SLC23A2: variants seen among roughly 807,000 people sequenced by gnomAD.
SLC23A2 encodes the protein solute carrier family 23 member 2.
Under a neutral mutation model 73.3 loss-of-function variants are expected in SLC23A2, and 36 were observed. The ratio of observed to expected loss-of-function variants is 0.49; its 90% CI spans 0.38 to 0.65. SLC23A2 has a LOEUF of 0.65. SLC23A2 is among the 30% of genes least tolerant of loss of function. SLC23A2 has a pLI of 0.00. For synonymous variants in SLC23A2, 343 were observed against 327.3 expected (o/e 1.05, Z -0.52); for missense variants, 507 against 841.6 (o/e 0.60, Z 4.92).
chr20:4,934,906 G>A (rs2086937313), intron 2 of SLC23A2, among the ~76,000 whole-genome samples: 1 of 151,350 alleles, frequency 6.6e-6, no homozygotes, highest in Admixed American at 6.6e-5. Flanking sequence ...AAAAAACCAA[G>A]GCTGGGCACA....
At chr20:4,918,897 C>G (rs1045307172) in intron 3 of SLC23A2, among the ~76,000 whole-genome samples, 1 of 152,134 alleles carries the variant, frequency 6.6e-6, no homozygotes, top group African/African-American at 2.4e-5. Flanking sequence ...AGAAAGGTAA[C>G]ACACAGTTAT....
At chr20:4,992,097 G>A (rs560941488) in intron 1 of SLC23A2, among the ~76,000 whole-genome samples, 1 of 152,222 alleles carries the variant, frequency 6.6e-6, no homozygotes, top group East Asian at 1.9e-4. Context: ...GGGACAGAGT[G>A]AGACTCCATC....
intron 3 of SLC23A2, among the ~76,000 whole-genome samples, chr20:4,924,999 T>C (rs917752547): frequency 6.6e-6 from 1 of 152,016 alleles, no homozygotes; most frequent in Non-Finnish European, 1.5e-5. Context: ...AGTGACATAG[T>C]TAAGACCTTG....
intron 1 of SLC23A2, among the ~76,000 whole-genome samples, chr20:4,986,817 CA>C (rs375477474): frequency 5.3e-4 from 74 of 138,466 alleles, no homozygotes; most frequent in East Asian, 6.2e-4. Context: ...AAAGAGAAAT[CA>C]AAAAAAAAAA....
chr20:4,919,423 C>T (rs963077188), intron 3 of SLC23A2, among the ~76,000 whole-genome samples: 4 of 152,200 alleles, frequency 2.6e-5, no homozygotes, highest in African/African-American at 9.7e-5. Context: ...CCGGGGATTC[C>T]AGCTGCATCT....
intron 1 of SLC23A2, among the ~76,000 whole-genome samples, chr20:4,984,501 C>T (rs998207516): frequency 8.1e-5 from 12 of 148,520 alleles, no homozygotes; most frequent in Non-Finnish European, 1.3e-4. Context: ...TGCAGTGAGC[C>T]GAGATTGCAC....
intron 6 of SLC23A2, among the ~76,000 whole-genome samples, chr20:4,893,602 G>A (rs1365749033): frequency 2.0e-5 from 3 of 152,018 alleles, no homozygotes; most frequent in East Asian, 1.9e-4. Context: ...GTTCCATTAC[G>A]GGCCCCAGGA....
chr20:4,929,131 T>C (rs1882682921), intron 3 of SLC23A2, among the ~76,000 whole-genome samples: 1 of 151,926 alleles, frequency 6.6e-6, no homozygotes, highest in African/African-American at 2.4e-5. Flanking sequence ...CCAGGCCCAG[T>C]AGCACGTACC....
At chr20:4,900,317 T>C (rs1220136006) in intron 5 of SLC23A2, among the ~76,000 whole-genome samples, 3 of 152,234 alleles carry the variant, frequency 2.0e-5, no homozygotes, top group African/African-American at 7.2e-5. Flanking sequence ...TAGAAATATT[T>C]GGGTTTCTTC....
intron 1 of SLC23A2, among the ~76,000 whole-genome samples, chr20:4,975,923 G>A (rs1320516062): frequency 2.0e-5 from 3 of 149,120 alleles, no homozygotes; most frequent in Admixed American, 6.7e-5. Context: ...GCGCGATCTC[G>A]GCTCACTGCA....
chr20:4,879,590 T>G (rs1049114354), intron 9 of SLC23A2, among the ~76,000 whole-genome samples: 4 of 150,566 alleles, frequency 2.7e-5, no homozygotes, highest in East Asian at 2.0e-4. Flanking sequence ...GGCTGACGAA[T>G]GAGAATCGCC....
chr20:4,978,787 A>G (rs1333149720), intron 1 of SLC23A2, among the ~76,000 whole-genome samples: 2 of 152,200 alleles, frequency 1.3e-5, no homozygotes, highest in African/African-American at 2.4e-5. Flanking sequence ...GCTCCCCTCC[A>G]CAACCTCAAG....
At chr20:4,875,717 G>C (rs11699324) in intron 9 of SLC23A2, among the ~76,000 whole-genome samples, 24,504 of 152,174 alleles carry the variant, frequency 0.16, 2,384 homozygotes, top group African/African-American at 0.26. Flanking sequence ...CCATCCCCCA[G>C]GTGGATTTTT....
rs371242984 is a variant in SLC23A2, at chr20:4,867,757, A to C, written c.1356+13T>G. On this transcript the variant is annotated intron_variant, in intron 13 of 16. Coordinates refer to ENST00000338244, the MANE Select transcript of SLC23A2 (RefSeq NM_005116.6). ...TTAGAAACCCAATCATTTAATTAGAAAAATCTGTGTACCTTTGTAATTCCC... is the reference window on the plus strand; with the variant it reads ...TTAGAAACCCAATCATTTAATTAGACAAATCTGTGTACCTTTGTAATTCCC... 6.9e-6 allele frequency: 10 copies of C among 1,458,496 alleles called. No homozygotes were observed. In the African/African-American group the frequency reaches 1.3e-4, roughly 18 times the overall value. 90.3% of individuals were successfully genotyped at this position (1,458,496 alleles called of 1,614,324 possible). A position where few individuals can be genotyped will look rare whatever the true frequency, so the allele number is the denominator to read the frequency against.
intron 4 of SLC23A2, among the ~76,000 whole-genome samples, chr20:4,907,806 A>C (rs1037920331): frequency 6.6e-6 from 1 of 152,168 alleles, no homozygotes; most frequent in Non-Finnish European, 1.5e-5. Context: ...TACAGTATTC[A>C]ATGGATTAAT....
intron 15 of SLC23A2, among the ~76,000 whole-genome samples, chr20:4,861,270 A>G (rs567701525): frequency 2.6e-4 from 40 of 152,338 alleles, no homozygotes; most frequent in Middle Eastern, 6.8e-3. Flanking sequence ...ATTTTGGGGT[A>G]ATGAAATGTT....
intron 3 of SLC23A2, among the ~76,000 whole-genome samples, chr20:4,930,630 C>A (rs1255008858): frequency 6.6e-6 from 1 of 152,104 alleles, no homozygotes; most frequent in Non-Finnish European, 1.5e-5. Flanking sequence ...ACCAGCCTGG[C>A]CAATATGGCA....
chr20:4,995,011 G>A (rs962515450), intron 1 of SLC23A2, among the ~76,000 whole-genome samples: 32 of 152,080 alleles, frequency 2.1e-4, no homozygotes, highest in Admixed American at 2.0e-3. Context: ...CAGTGCTTTC[G>A]GTCTGAAGCA....
In SLC23A2 at chr20:4,970,222, T is replaced by C. The variant is rs72552247; in HGVS notation, c.-155+571A>G. ...TTTACCTCCTACTTTGTAATTAATA[T>C]AAGTGGCAAGACTGTGCCTGTTTAT... On this transcript the variant is annotated intron_variant, in intron 2 of 16. Coordinates refer to ENST00000338244, the MANE Select transcript of SLC23A2 (RefSeq NM_005116.6). Among the ~76,000 whole-genome samples the C allele has an allele frequency of 3.2e-3, 462 of 143,554 alleles. 4 individuals are homozygous for C. The highest frequency in any genetic ancestry group is 0.013 in the African/African-American group (445 of 33,420). The allele number at this position is 143,554 out of a possible 152,430, so 94.2% of individuals were successfully genotyped here.
Sources: allele counts gnomAD v4.1 joint callset (sites outside exome capture counted in the v4.1 genomes callset), GRCh38; gene constraint gnomAD v4.1.1; transcripts MANE v1.5; gene names NCBI Gene and HGNC (gene_info 2026-07-23, HGNC 2026-07-21).